The following UBA2 variants were observed in gnomAD, a reference collection of about 807,000 sequenced individuals.
UBA2 encodes SUMO-activating enzyme subunit 2.
In UBA2, 11 loss-of-function variants were observed where a neutral mutation model predicts 77.2. That is an observed-to-expected ratio of 0.14 (90% CI 0.09 to 0.24). The LOEUF (loss-of-function observed/expected upper bound fraction) is 0.24, where lower values mean the gene tolerates loss of function less well. UBA2 is among the 10% of genes least tolerant of loss of function. The pLI is 1.00. For missense variants in UBA2, 487 were observed against 781.7 expected (o/e 0.62, Z 4.50); for synonymous variants, 278 against 276.7 (o/e 1.00, Z -0.05).
Position 34,428,423 on chromosome 19 carries a change from T to G in UBA2, c.-10T>G, listed in dbSNP as rs745497716. The G allele has an allele frequency of 1.6e-6, 2 of 1,256,242 alleles. No homozygotes were observed. Among genetic ancestry groups the G allele is most frequent in the Non-Finnish European group, 2.0e-6 (2 of 999,296 alleles). 77.8% of individuals were successfully genotyped at this position (1,256,242 alleles called of 1,614,324 possible). A position where few individuals can be genotyped will look rare whatever the true frequency, so the allele number is the denominator to read the frequency against. ...CCTCCGCCTCCGCCGCGGCTCGTGG[T>G]TGTCCCGCCATGGCACTGTCGCGGG... On this transcript the variant is annotated 5_prime_UTR_variant, in exon 1 of 17. Coordinates refer to ENST00000246548, the MANE Select transcript of UBA2 (RefSeq NM_005499.3).
chr19:34,466,763 A>G, intron 15 of UBA2, 115 bp from the exon 16 acceptor site: 1 of 734,982 alleles, frequency 1.4e-6, no homozygotes, highest in Non-Finnish European at 2.1e-6. Context: ...AAAAAAAATT[A>G]GAATCCACAT....
At chr19:34,450,742 C>CTTTTTT (rs59580124) in intron 9 of UBA2, among the ~76,000 whole-genome samples, 73 of 83,436 alleles carry the variant, frequency 8.7e-4, no homozygotes, top group South Asian at 1.0e-3. Context: ...TTATGTATAT[C>CTTTTTT]TTTTTTTTTT....
chr19:34,444,427 A>G (rs1443978538), intron 7 of UBA2, among the ~76,000 whole-genome samples: 1 of 152,222 alleles, frequency 6.6e-6, no homozygotes. Context: ...GAAATTTCAC[A>G]AGTCTAGTAA....
At chr19:34,461,943 AAAG>A (rs1427499043) in intron 14 of UBA2, among the ~76,000 whole-genome samples, 1 of 152,214 alleles carries the variant, frequency 6.6e-6, no homozygotes, top group Admixed American at 6.5e-5. Flanking sequence ...CTCCCTGGAC[AAAG>A]AAGAGAGCAT....
At position 34,435,784 on chromosome 19, in the gene UBA2, G is replaced by A. The variant is rs569537359; in HGVS notation, c.459+816G>A. Among the ~76,000 whole-genome samples the A allele has an allele frequency of 5.4e-4, 82 of 150,786 alleles. 1 individual carries two copies. The highest frequency in any genetic ancestry group is 9.9e-4 in the Non-Finnish European group (67 of 67,766). The stretch of plus-strand genomic sequence containing the variant: ...GGTGGAGGTTACAGTGAGCCAAGAT[G>A]GCACCACACTCCAGCCTGGGCAACA... On this transcript the variant is annotated intron_variant, in intron 5 of 16. Transcript: ENST00000246548.
chr19:34,428,758 G>C (rs937208059), intron 1 of UBA2, 188 bp downstream of exon 1: 4 of 1,131,392 alleles, frequency 3.5e-6, no homozygotes, highest in Middle Eastern at 3.4e-4. Context: ...TGGGCACGGG[G>C]CGGGCCTCCG....
At chr19:34,450,681 T>C (rs1023473889) in intron 9 of UBA2, among the ~76,000 whole-genome samples, 5 of 151,930 alleles carry the variant, frequency 3.3e-5, no homozygotes, top group African/African-American at 1.2e-4. Context: ...CTTATTAACA[T>C]GTAGTGTTTT....
rs1206620440 is a variant in UBA2, at chr19:34,444,955, T to C, written c.650-45T>C. On this transcript the variant is annotated intron_variant, in intron 7 of 16. Coordinates refer to ENST00000246548, the MANE Select transcript of UBA2 (RefSeq NM_005499.3). Reference sequence around the variant, plus strand: ...CAAAGGTGAGTGAAAAGAGTTCAGTTCTACATTTATTACGGTTGAAAATAA... The same window carrying C: ...CAAAGGTGAGTGAAAAGAGTTCAGTCCTACATTTATTACGGTTGAAAATAA... 5 of 1,591,694 alleles carry C rather than the reference T, an allele frequency of 3.1e-6. No homozygotes were observed. The Admixed American group carries it at 9.0e-5, about 29-fold the overall frequency.
chr19:34,470,850 G>GTCA lies in UBA2; in HGVS notation c.*1630_*1632dup, dbSNP rs1462293258. 1 of 152,254 alleles carries GTCA rather than the reference G, an allele frequency of 6.6e-6. No homozygotes were observed. Among genetic ancestry groups the GTCA allele is most frequent in the African/African-American group, 2.4e-5 (1 of 41,458 alleles). 9.4% of individuals were successfully genotyped at this position (152,254 alleles called of 1,614,324 possible). A position where few individuals can be genotyped will look rare whatever the true frequency, so the allele number is the denominator to read the frequency against. ...TGGCAGTGTTTTTAAAATTTGGATT[G>GTCA]TCAGCAGTTGGCCTTTGTTGAGAAA... On this transcript the variant is annotated 3_prime_UTR_variant, in exon 17 of 17. Coordinates refer to ENST00000246548, the MANE Select transcript of UBA2 (RefSeq NM_005499.3).
intron 12 of UBA2, among the ~76,000 whole-genome samples, chr19:34,457,002 T>C (rs1029923376): frequency 6.6e-6 from 1 of 151,052 alleles, no homozygotes; most frequent in Non-Finnish European, 1.5e-5. Flanking sequence ...TTTCTTTGCC[T>C]GCTTAGCTCC....
rs1309399849 is a variant in UBA2, at chr19:34,469,869, A to G, written c.*648A>G. ...TAACGACTATACTTATGGACCAAAT[A>G]AATGGCATCTGCATTCTTGTTACAC... is the stretch of plus-strand genomic sequence containing the variant. On this transcript the variant is annotated 3_prime_UTR_variant, in exon 17 of 17. Transcript: ENST00000246548. 2.0e-5 allele frequency: 3 copies of G among 152,616 alleles called. No individual in the cohort carries two copies. The highest frequency in any genetic ancestry group is 4.4e-5 in the Non-Finnish European group (3 of 68,044). The allele number at this position is 152,616 out of a possible 1,614,324, so 9.5% of individuals were successfully genotyped here. A position where few individuals can be genotyped will look rare whatever the true frequency, so the allele number is the denominator to read the frequency against.
In UBA2 at chr19:34,470,454, G is replaced by A. The variant is rs1005492693; in HGVS notation, c.*1233G>A. 6.6e-6 allele frequency: 1 copy of A among 152,238 alleles called. No homozygotes were observed. Among genetic ancestry groups the A allele is most frequent in the African/African-American group, 2.4e-5 (1 of 41,454 alleles). 9.4% of individuals were successfully genotyped at this position (152,238 alleles called of 1,614,324 possible). A position where few individuals can be genotyped will look rare whatever the true frequency, so the allele number is the denominator to read the frequency against. On this transcript the variant is annotated 3_prime_UTR_variant, in exon 17 of 17. Coordinates refer to ENST00000246548, the MANE Select transcript of UBA2 (RefSeq NM_005499.3). ...GCTGGAGCCCAGAAGTTCAAGGCCA[G>A]CCTGGGTAACATAGCAAGACCCTGT...
chr19:34,457,220 A>G (rs1231915296), intron 12 of UBA2, among the ~76,000 whole-genome samples: 1 of 137,322 alleles, frequency 7.3e-6, no homozygotes, highest in Admixed American at 7.4e-5. Context: ...ATATAAAATT[A>G]GCTGGGCATG....
At chr19:34,438,959 G>C (rs1027025287) in intron 6 of UBA2, among the ~76,000 whole-genome samples, 193 bp downstream of exon 6, 1 of 151,990 alleles carries the variant, frequency 6.6e-6, no homozygotes, top group Non-Finnish European at 1.5e-5. Context: ...CTGTAATCCC[G>C]GCACTTTGGG....
At chr19:34,463,888 G>A (rs1193006303) in intron 14 of UBA2, 138 bp from the exon 15 acceptor site, 1 of 633,002 alleles carries the variant, frequency 1.6e-6, no homozygotes, top group Non-Finnish European at 2.9e-6. Flanking sequence ...TGAGATACTG[G>A]GGATTAGGGT....
At chr19:34,456,688 G>A (rs1383125585) in intron 12 of UBA2, among the ~76,000 whole-genome samples, 1 of 151,876 alleles carries the variant, frequency 6.6e-6, no homozygotes, top group African/African-American at 2.4e-5. Context: ...CTCCCCAGTA[G>A]CTGGGATTAC....
At position 34,450,742 on chromosome 19, in the gene UBA2, C is replaced by CTTTT. The variant is rs59580124; in HGVS notation, c.871+399_871+402dup. On this transcript the variant is annotated intron_variant, in intron 9 of 16. Transcript: ENST00000246548. ...GAAATTGCTATATATTTATGTATATCTTTTTTTTTTTTTTTTTTTTTTTTG... is the reference window on the plus strand; with the variant it reads ...GAAATTGCTATATATTTATGTATATCTTTTTTTTTTTTTTTTTTTTTTTTTTTTG... 4.6e-3 allele frequency among the ~76,000 whole-genome samples: 387 copies of CTTTT among 83,442 alleles called. 10 individuals carry two copies. Among genetic ancestry groups the CTTTT allele is most frequent in the African/African-American group, 8.8e-3 (169 of 19,232 alleles). 54.7% of individuals were successfully genotyped at this position (83,442 alleles called of 152,430 possible). A position where few individuals can be genotyped will look rare whatever the true frequency, so the allele number is the denominator to read the frequency against.
intron 16 of UBA2, among the ~76,000 whole-genome samples, chr19:34,467,577 C>T (rs1230921386): frequency 6.6e-6 from 1 of 151,988 alleles, no homozygotes; most frequent in Non-Finnish European, 1.5e-5. Flanking sequence ...GAGTTTGACA[C>T]TAACCTGGGC....
chr19:34,454,193 C>T, intron 10 of UBA2, 67 bp from the exon 11 acceptor site: 9 of 1,334,898 alleles, frequency 6.7e-6, no homozygotes, highest in Non-Finnish European at 9.5e-6. Context: ...AAGTATTGTT[C>T]TGAAAGTAAT....
Sources: allele counts gnomAD v4.1 joint callset (sites outside exome capture counted in the v4.1 genomes callset), GRCh38; gene constraint gnomAD v4.1.1; transcripts MANE v1.5; gene names NCBI Gene and HGNC (gene_info 2026-07-23, HGNC 2026-07-21).